Variants in LRP1B observed in about 807,000 individuals in gnomAD.
LRP1B encodes the protein low-density lipoprotein receptor-related protein 1B.
A neutral mutation model predicts 556.6 loss-of-function variants in LRP1B; 217 were observed. That is an observed-to-expected ratio of 0.39 (90% CI 0.35 to 0.44). The LOEUF (loss-of-function observed/expected upper bound fraction) is 0.44. Ranked by LOEUF, LRP1B falls within the 20% of genes least tolerant of loss-of-function variation. The probability of loss-of-function intolerance (pLI) is 1.00; values close to 1 mark genes in which losing one functional copy is unlikely to be tolerated. For synonymous variants in LRP1B, 2,047 were observed against 1,865.8 expected (o/e 1.10, Z -2.50); for missense variants, 5,053 against 5,620.8 (o/e 0.90, Z 3.23).
intron 2 of LRP1B, among the ~76,000 whole-genome samples, chr2:141,503,807 CTT>C (rs1158310403): frequency 5.9e-5 from 9 of 152,068 alleles, no homozygotes; most frequent in Non-Finnish European, 1.3e-4. Context: ...TTAAGGCACT[CTT>C]GTTTAAATAT....
chr2:141,801,782 C>T (rs1317791311), intron 2 of LRP1B, among the ~76,000 whole-genome samples: 1 of 152,054 alleles, frequency 6.6e-6, no homozygotes, highest in East Asian at 1.9e-4. Flanking sequence ...ATGTCTATAA[C>T]ATTAGTACTC....
In LRP1B at chr2:141,970,362, A is replaced by C. The variant is rs139512331; in HGVS notation, c.83-159961T>G. On this transcript the variant is annotated intron_variant, in intron 1 of 90. Transcript: ENST00000389484. ...ATGTGGTAAACAATATAAAGGTATT[A>C]AAATGACTACTTTCAGAAGCAAATG... Among the ~76,000 whole-genome samples the C allele has an allele frequency of 3.5e-3, 525 of 151,732 alleles. 3 individuals carry two copies. Among genetic ancestry groups the C allele is most frequent in the African/African-American group, 0.012 (512 of 41,522 alleles).
At chr2:140,682,260 C>T (rs1685884850) in intron 41 of LRP1B, among the ~76,000 whole-genome samples, 1 of 152,170 alleles carries the variant, frequency 6.6e-6, no homozygotes, top group Non-Finnish European at 1.5e-5. Flanking sequence ...CTGTATAATT[C>T]TGTCTATATT....
intron 83 of LRP1B, among the ~76,000 whole-genome samples, chr2:140,310,195 G>GT (rs1411864779): frequency 6.6e-6 from 1 of 151,444 alleles, no homozygotes; most frequent in Non-Finnish European, 1.5e-5. Context: ...TGCTTTCTGT[G>GT]TTTTTTCTAC....
At chr2:140,246,386 G>A (rs145445768) in intron 87 of LRP1B, among the ~76,000 whole-genome samples, 1 of 151,334 alleles carries the variant, frequency 6.6e-6, no homozygotes, top group African/African-American at 2.4e-5. Context: ...GTGTGAACTG[G>A]CAAACTTTAT....
At chr2:140,278,146 T>C (rs1465724469) in intron 84 of LRP1B, among the ~76,000 whole-genome samples, 2 of 151,970 alleles carry the variant, frequency 1.3e-5, no homozygotes, top group African/African-American at 2.4e-5. Flanking sequence ...TTTATATTTA[T>C]ATAAGGTTCA....
At chr2:141,688,473 A>G (rs1466135144) in intron 2 of LRP1B, among the ~76,000 whole-genome samples, 1 of 151,944 alleles carries the variant, frequency 6.6e-6, no homozygotes, top group African/African-American at 2.4e-5. Context: ...CTTTTGTGAA[A>G]TCAAATAACA....
chr2:140,317,534 C>T (rs1398975806), intron 82 of LRP1B, among the ~76,000 whole-genome samples: 3 of 151,998 alleles, frequency 2.0e-5, no homozygotes, highest in Admixed American at 6.6e-5. Flanking sequence ...ATTGAAGATG[C>T]CCTTGCAAAT....
chr2:140,887,362 G>C (rs1387450600), intron 23 of LRP1B, among the ~76,000 whole-genome samples: 1 of 152,088 alleles, frequency 6.6e-6, no homozygotes, highest in Non-Finnish European at 1.5e-5. Flanking sequence ...GATACAATTT[G>C]AATTAATTTT....
intron 1 of LRP1B, among the ~76,000 whole-genome samples, chr2:141,840,067 G>A (rs2105758625): frequency 1.3e-5 from 2 of 151,938 alleles, no homozygotes; most frequent in Admixed American, 1.3e-4. Context: ...AGGTAGAGTT[G>A]GCCAAAGATT....
In LRP1B at chr2:141,005,371, T is replaced by C; in HGVS notation, c.2467A>G (p.Asn823Asp). The C allele has an allele frequency of 6.2e-7, 1 of 1,610,300 alleles. No individual in the cohort carries two copies. ...GTCCCATTTTCATCCAAAAGTTGATTATCGGCACAAGCACACACCCGGCCT... is the reference window on the plus strand; with the variant it reads ...GTCCCATTTTCATCCAAAAGTTGATCATCGGCACAAGCACACACCCGGCCT... ...PGGRVCACAD[N>D]QLLDENGTTC... Residue 823 changes from asparagine (N) to aspartate (D), a missense_variant, in exon 15 of 91, where the codon AAT (asparagine) becomes GAT (aspartate). Physicochemically the swap from Asn to Asp is conservative, Grantham distance 23. This residue lies in a region of LRP1B where 3,619 missense variants were observed against 3,931.9 expected (regional missense o/e 0.92). Coordinates refer to ENST00000389484, the MANE Select transcript of LRP1B (RefSeq NM_018557.3).
At chr2:141,397,178 G>A (rs1690272599) in intron 3 of LRP1B, among the ~76,000 whole-genome samples, 1 of 130,614 alleles carries the variant, frequency 7.7e-6, no homozygotes, top group Admixed American at 7.9e-5. Flanking sequence ...GAGAAGTTTA[G>A]AGATGGTACT....
chr2:140,939,845 T>C (rs1695343853), intron 20 of LRP1B, among the ~76,000 whole-genome samples: 1 of 151,756 alleles, frequency 6.6e-6, no homozygotes, highest in Middle Eastern at 3.4e-3. Context: ...GAAAAACATG[T>C]TTCTTTCTTT....
chr2:140,812,949 C>A (rs536140350), intron 32 of LRP1B, among the ~76,000 whole-genome samples: 2 of 152,166 alleles, frequency 1.3e-5, no homozygotes, highest in East Asian at 1.9e-4. Flanking sequence ...ACAAAGAGTT[C>A]TTTTTTATGC....
At chr2:141,589,185 A>G (rs1236861233) in intron 2 of LRP1B, among the ~76,000 whole-genome samples, 1 of 152,196 alleles carries the variant, frequency 6.6e-6, no homozygotes, top group Non-Finnish European at 1.5e-5. Flanking sequence ...TAACAGCTAA[A>G]GTTTAACCTT....
intron 3 of LRP1B, among the ~76,000 whole-genome samples, chr2:141,472,057 G>A (rs1020513465): frequency 1.2e-4 from 19 of 152,290 alleles, no homozygotes; most frequent in Non-Finnish European, 2.6e-4. Flanking sequence ...GGCTTTTTGT[G>A]ATTTCACACA....
intron 41 of LRP1B, among the ~76,000 whole-genome samples, chr2:140,649,613 T>G (rs6709373): frequency 0.22 from 32,811 of 152,100 alleles, 3,557 homozygotes; most frequent in South Asian, 0.24. Flanking sequence ...GTTTGCTTCT[T>G]TGATTTTCCT....
chr2:141,780,418 A>AAT (rs1695216902), intron 2 of LRP1B, among the ~76,000 whole-genome samples: 2 of 152,118 alleles, frequency 1.3e-5, no homozygotes, highest in African/African-American at 2.4e-5. Context: ...CCAGTACTAC[A>AAT]ATACTCCCCC....
intron 1 of LRP1B, among the ~76,000 whole-genome samples, chr2:141,960,058 A>C (rs1250960522): frequency 6.6e-6 from 1 of 151,946 alleles, no homozygotes; most frequent in Non-Finnish European, 1.5e-5. Context: ...ACAAAAGTTG[A>C]AACGTGACAA....
Sources: gnomAD v4.1 joint callset for allele counts (sites outside exome capture counted in the v4.1 genomes callset) on GRCh38, gnomAD v4.1.1 for gene constraint, gnomAD v4.1.1 regional missense constraint, MANE v1.5 for transcripts, NCBI Gene and HGNC (gene_info 2026-07-23, HGNC 2026-07-21) for gene names.